CLSTN2: variants seen among roughly 807,000 people sequenced by gnomAD.
CLSTN2 encodes the protein calsyntenin-2.
CLSTN2 carries 48 observed loss-of-function variants against 101.2 expected under a neutral mutation model. The observed-to-expected ratio is 0.47, with a 90% CI of 0.38 to 0.60. The LOEUF is 0.60. CLSTN2 is among the 20% of genes least tolerant of loss of function. CLSTN2 has a pLI of 0.00. For missense variants in CLSTN2, 1,160 were observed against 1,238.2 expected, an observed-to-expected ratio of 0.94 and a Z score of 0.95; for synonymous variants, 481 against 463.6, an observed-to-expected ratio of 1.04 and a Z score of -0.48.
chr3:140,408,175 CA>C (rs528481050), intron 4 of CLSTN2, among the ~76,000 whole-genome samples: 126 of 152,242 alleles, frequency 8.3e-4, no homozygotes, highest in African/African-American at 2.9e-3. Context: ...TCCCCCAGAC[CA>C]GAAGTGCTTA....
intron 2 of CLSTN2, among the ~76,000 whole-genome samples, chr3:140,360,554 G>A (rs183187495): frequency 6.6e-6 from 1 of 152,104 alleles, no homozygotes; most frequent in Non-Finnish European, 1.5e-5. Context: ...TAATGAGAAC[G>A]TGCTGTGCAA....
intron 2 of CLSTN2, among the ~76,000 whole-genome samples, chr3:140,217,376 T>C (rs2010934104): frequency 6.6e-6 from 1 of 152,226 alleles, no homozygotes; most frequent in South Asian, 2.1e-4. Flanking sequence ...CAAGGAGCTG[T>C]AACCTGTAAC....
At chr3:140,485,605 C>A (rs1934222172) in intron 8 of CLSTN2, among the ~76,000 whole-genome samples, 1 of 152,204 alleles carries the variant, frequency 6.6e-6, no homozygotes, top group Non-Finnish European at 1.5e-5. Context: ...GGGCTCCACC[C>A]AGTTCGAGCT....
chr3:140,378,762 G>A (rs1418397736), intron 2 of CLSTN2, among the ~76,000 whole-genome samples: 3 of 152,188 alleles, frequency 2.0e-5, no homozygotes, highest in African/African-American at 7.2e-5. Context: ...GGTGAGTCAC[G>A]TAGCCTCTCT....
At chr3:140,241,964 A>G (rs1343651500) in intron 2 of CLSTN2, among the ~76,000 whole-genome samples, 2 of 151,394 alleles carry the variant, frequency 1.3e-5, no homozygotes, top group East Asian at 3.9e-4. Flanking sequence ...CTGGAGTGCA[A>G]TGGCACAGTC....
chr3:140,024,122 T>C (rs1392533836), intron 1 of CLSTN2, among the ~76,000 whole-genome samples: 1 of 152,202 alleles, frequency 6.6e-6, no homozygotes, highest in Non-Finnish European at 1.5e-5. Flanking sequence ...GTGGATCATG[T>C]CACCAACTTT....
intron 2 of CLSTN2, among the ~76,000 whole-genome samples, chr3:140,294,237 C>T (rs2086982178): frequency 6.6e-6 from 1 of 152,188 alleles, no homozygotes; most frequent in South Asian, 2.1e-4. Flanking sequence ...GGGAAATAAT[C>T]TAACCTAACA....
chr3:140,427,659 G>C (rs1334480816), intron 5 of CLSTN2, among the ~76,000 whole-genome samples: 1 of 152,064 alleles, frequency 6.6e-6, no homozygotes, highest in East Asian at 1.9e-4. Context: ...TCCCAGAGAT[G>C]GATAATCCTC....
At chr3:140,332,833 C>T (rs1285934113) in intron 2 of CLSTN2, among the ~76,000 whole-genome samples, 1 of 152,040 alleles carries the variant, frequency 6.6e-6, no homozygotes, top group Non-Finnish European at 1.5e-5. Flanking sequence ...AGGACCTCAT[C>T]CCCTGTTCAT....
chr3:140,171,725 T>G (rs1249531052), intron 1 of CLSTN2, among the ~76,000 whole-genome samples: 2 of 103,242 alleles, frequency 1.9e-5, no homozygotes, highest in South Asian at 4.9e-4. Context: ...TATTATATAT[T>G]ATATATAATA....
chr3:140,365,879 C>T (rs1343805953), intron 2 of CLSTN2, among the ~76,000 whole-genome samples: 2 of 152,190 alleles, frequency 1.3e-5, no homozygotes, highest in African/African-American at 4.8e-5. Context: ...CGAGGAACAA[C>T]CCCACACCCT....
chr3:140,090,315 G>T (rs1034755735), intron 1 of CLSTN2, among the ~76,000 whole-genome samples: 2 of 151,946 alleles, frequency 1.3e-5, no homozygotes, highest in African/African-American at 4.8e-5. Flanking sequence ...GATTTAGGTG[G>T]TTTTTGATTA....
chr3:140,052,150 C>T (rs566357139), intron 1 of CLSTN2, among the ~76,000 whole-genome samples: 1 of 152,182 alleles, frequency 6.6e-6, no homozygotes, highest in South Asian at 2.1e-4. Context: ...CAAAATATTT[C>T]TGTTATTATT....
In CLSTN2 at chr3:140,448,595, C is replaced by G. The variant is rs1453413472; in HGVS notation, c.864C>G (p.Cys288Trp). The G allele has an allele frequency of 6.2e-7, 1 of 1,613,906 alleles. No individual in the cohort carries two copies. Among genetic ancestry groups the G allele is most frequent in the East Asian group, 2.2e-5 (1 of 44,886 alleles). Residue 288 changes from cysteine to tryptophan, a missense_variant, in exon 6 of 17, where the codon TGC (cysteine) becomes TGG (tryptophan). Cys to Trp is a radical substitution (Grantham distance 215). Coordinates refer to ENST00000458420, the MANE Select transcript of CLSTN2 (RefSeq NM_022131.3). ...TCCCCAGCATCCACCTGGAGACGTG[C>G]GATGGAGCCGTGTCTTCCCTCCAGA... ...PLFPSIHLET[C>W]DGAVSSLQIV...
intron 1 of CLSTN2, among the ~76,000 whole-genome samples, chr3:140,071,860 T>TAAATAAATAAATAAAA (rs1446036489): frequency 9.6e-5 from 14 of 145,584 alleles, no homozygotes; most frequent in African/African-American, 3.0e-4. Flanking sequence ...AATAAATAAA[T>TAAATAAATAAATAAAA]AAAAAAGAAA....
chr3:140,031,680 T>C (rs1183563825), intron 1 of CLSTN2, among the ~76,000 whole-genome samples: 2 of 152,180 alleles, frequency 1.3e-5, no homozygotes, highest in Admixed American at 6.5e-5. Flanking sequence ...AAAACAAGGA[T>C]AGTGTATGTG....
At chr3:140,443,467 A>AGTT (rs1439095708) in intron 5 of CLSTN2, among the ~76,000 whole-genome samples, 1 of 152,256 alleles carries the variant, frequency 6.6e-6, no homozygotes, top group Non-Finnish European at 1.5e-5. Context: ...ATGTAGAGGT[A>AGTT]GTTATAATAA....
At chr3:140,144,493 A>G (rs1560108279) in intron 1 of CLSTN2, among the ~76,000 whole-genome samples, 1 of 152,072 alleles carries the variant, frequency 6.6e-6, no homozygotes, top group Non-Finnish European at 1.5e-5. Flanking sequence ...GTGGGTGCCT[A>G]TAATCCCAGC....
At chr3:140,489,922 C>T (rs367780068) in intron 8 of CLSTN2, among the ~76,000 whole-genome samples, 2 of 148,784 alleles carry the variant, frequency 1.3e-5, no homozygotes, top group East Asian at 2.0e-4. Context: ...TCTAGGGTCC[C>T]GGACAGGTAC....
Sources: gnomAD v4.1 joint callset for allele counts (sites outside exome capture counted in the v4.1 genomes callset) on GRCh38, gnomAD v4.1.1 for gene constraint, MANE v1.5 for transcripts, NCBI Gene and HGNC (gene_info 2026-07-23, HGNC 2026-07-21) for gene names.